The following CYP2C8 variants were observed in gnomAD, a reference collection of about 807,000 sequenced individuals.
CYP2C8 encodes the protein cytochrome P450 2C8.
A neutral mutation model predicts 41.3 loss-of-function variants in CYP2C8; 51 were observed. The observed-to-expected ratio is 1.24, with a 90% confidence interval of 0.99 to 1.56. The LOEUF (loss-of-function observed/expected upper bound fraction) is 1.56, where lower values mean the gene tolerates loss of function less well. CYP2C8 is among the 40% of genes most tolerant of loss of function. CYP2C8 has a pLI of 0.00. For synonymous variants in CYP2C8, 218 were observed against 205.8 expected, an observed-to-expected ratio of 1.06 and a Z score of -0.51; for missense variants, 651 against 579.9, an observed-to-expected ratio of 1.12 and a Z score of -1.26.
At position 95,045,849 on chromosome 10, in the gene CYP2C8, A is replaced by G. The variant is rs1290736076; in HGVS notation, c.922T>C (p.Tyr308His). ...TGCTTCAGCAGGAGCAGGAGTCCAT[A>G]TCTCAGAGTGGTGCTTGTTGTCTCT... ...GTETTSTTLR[Y>H]GLLLLLKHPE... The change falls in exon 6 of 9, where the codon TAT (tyrosine) becomes CAT (histidine). Residue 308 changes from tyrosine (Y) to histidine (H), a missense_variant. By Grantham distance (83) the Tyr-to-His change is moderately conservative (BLOSUM62 2). Transcript: ENST00000371270. 6.2e-7 allele frequency: 1 copy of G among 1,614,052 alleles called. No homozygotes were observed. The highest frequency in any genetic ancestry group is 1.3e-5 in the African/African-American group (1 of 75,044).
chr10:95,041,624 A>G lies in CYP2C8; in HGVS notation c.1149+1266T>C, dbSNP rs574323727. On this transcript the variant is annotated intron_variant, in intron 7 of 8. Transcript: ENST00000371270. ...GTGAAACCCCGTCTCTACTAAAAATACAAAAAATTAGCCGGGCGCGGTGGC... is the reference window on the plus strand; with the variant it reads ...GTGAAACCCCGTCTCTACTAAAAATGCAAAAAATTAGCCGGGCGCGGTGGC... Among the ~76,000 whole-genome samples, 249 of 148,162 alleles carry G rather than the reference A, an allele frequency of 1.7e-3. 3 individuals carry two copies. The South Asian group carries it at 0.052, about 31-fold the overall frequency.
At position 95,037,190 on chromosome 10, in the gene CYP2C8, C is replaced by T; in HGVS notation, c.1411G>A (p.Ala471Thr). The T allele has an allele frequency of 2.5e-6, 4 of 1,613,890 alleles. No individual in the cohort carries two copies. Among genetic ancestry groups the T allele is most frequent in the Middle Eastern group, 3.3e-4 (2 of 6,062 alleles). ...VDDLKNLNTT[A>T]VTKGIVSLPP... The stretch of plus-strand genomic sequence containing the variant: ...AGAGAAACAATCCCTTTGGTAACTG[C>T]AGTAGTATTGAGGTTCTTTAAATCA... Residue 471 changes from alanine to threonine, a missense_variant, in exon 9 of 9, where the codon GCA becomes ACA. Physicochemically the swap from Ala to Thr is moderately conservative, Grantham distance 58. Coordinates refer to ENST00000371270, the MANE Select transcript of CYP2C8 (RefSeq NM_000770.3).
chr10:95,053,211 A>G (rs2033244993), intron 5 of CYP2C8, among the ~76,000 whole-genome samples: 1 of 152,234 alleles, frequency 6.6e-6, no homozygotes, highest in African/African-American at 2.4e-5. Flanking sequence ...AAAATTAACA[A>G]TGAGATACCA....
chr10:95,068,739 C>A, intron 1 of CYP2C8: 1 of 626,568 alleles, frequency 1.6e-6, no homozygotes, highest in South Asian at 1.5e-5. Context: ...TCAACTCACT[C>A]CGCTATTTCT....
chr10:95,039,984 T>C (rs1353665999), intron 7 of CYP2C8, among the ~76,000 whole-genome samples: 1 of 152,094 alleles, frequency 6.6e-6, no homozygotes, highest in Non-Finnish European at 1.5e-5. Flanking sequence ...AAAGGTCAAC[T>C]GATTGAAAAG....
At position 95,036,939 on chromosome 10, in the gene CYP2C8, T is replaced by C. The variant is rs2032893008; in HGVS notation, c.*189A>G. 1.5e-6 allele frequency: 1 copy of C among 652,552 alleles called. No homozygotes were observed. The highest frequency in any genetic ancestry group is 2.8e-6 in the Non-Finnish European group (1 of 358,100). 40.4% of individuals were successfully genotyped at this position (652,552 alleles called of 1,614,324 possible). A position where few individuals can be genotyped will look rare whatever the true frequency, so the allele number is the denominator to read the frequency against. ...CAATTAATACAAGTGTTACAGAGTA[T>C]GAATAATTGCAGATATATTTGTGCA... On this transcript the variant is annotated 3_prime_UTR_variant, in exon 9 of 9. Transcript: ENST00000371270.
intron 4 of CYP2C8, among the ~76,000 whole-genome samples, chr10:95,059,671 G>T (rs1410402206): frequency 1.3e-5 from 2 of 152,042 alleles, no homozygotes; most frequent in African/African-American, 2.4e-5. Context: ...GTCAATTTTG[G>T]CTTTTGTTGC....
intron 6 of CYP2C8, among the ~76,000 whole-genome samples, chr10:95,044,764 A>C (rs1301898026): frequency 6.6e-6 from 1 of 152,098 alleles, no homozygotes; most frequent in Non-Finnish European, 1.5e-5. Context: ...GTTATGGAGG[A>C]AACTTGGGCA....
At position 95,067,604 on chromosome 10, in the gene CYP2C8, C is replaced by T. The variant is rs1369026893; in HGVS notation, c.256G>A (p.Ala86Thr). The T allele has an allele frequency of 4.5e-5, 73 of 1,614,158 alleles. No homozygotes were observed. Among genetic ancestry groups the T allele is most frequent in the Non-Finnish European group, 6.0e-5 (71 of 1,179,992 alleles). The change falls in exon 2 of 9, where the codon GCC becomes ACC. Residue 86 changes from alanine to threonine, a missense_variant. Coordinates refer to ENST00000371270, the MANE Select transcript of CYP2C8 (RefSeq NM_000770.3). The stretch of plus-strand genomic sequence containing the variant: ...AACTCCTCTCCATTATCAATCAGGG[C>T]TTCCTTCACTGCCTCATATCCATGA... Reference protein sequence around the residue: ...VFHGYEAVKEALIDNGEEFSG... With the variant: ...VFHGYEAVKETLIDNGEEFSG...
chr10:95,062,318 G>A (rs1255117407), intron 4 of CYP2C8, among the ~76,000 whole-genome samples: 9 of 152,152 alleles, frequency 5.9e-5, no homozygotes, highest in Non-Finnish European at 1.3e-4. Flanking sequence ...ATGAGTCTGG[G>A]TGCTCCTGTA....
At chr10:95,056,578 C>A (rs1316749031) in intron 5 of CYP2C8, among the ~76,000 whole-genome samples, 1 of 152,116 alleles carries the variant, frequency 6.6e-6, no homozygotes, top group African/African-American at 2.4e-5. Flanking sequence ...CACAAAACAA[C>A]AAAGTACTAT....
intron 4 of CYP2C8, among the ~76,000 whole-genome samples, chr10:95,062,767 T>C (rs1429921845): frequency 6.6e-6 from 1 of 152,206 alleles, no homozygotes; most frequent in Non-Finnish European, 1.5e-5. Context: ...GTTTTTGCAG[T>C]GGCTGGTACC....
At chr10:95,041,787 CAAAAAAAAAA>C (rs60326519) in intron 7 of CYP2C8, among the ~76,000 whole-genome samples, 1 of 83,172 alleles carries the variant, frequency 1.2e-5, no homozygotes, top group Admixed American at 1.4e-4. Flanking sequence ...GACTCCGTCT[CAAAAAAAAAA>C]AAAAAAAAAA....
At chr10:95,051,350 C>T (rs1259226154) in intron 5 of CYP2C8, among the ~76,000 whole-genome samples, 3 of 151,982 alleles carry the variant, frequency 2.0e-5, no homozygotes, top group Admixed American at 2.0e-4. Flanking sequence ...TGAAGCACAC[C>T]TACAGGATCT....
intron 4 of CYP2C8, among the ~76,000 whole-genome samples, chr10:95,062,415 A>T (rs981958665): frequency 4.0e-5 from 6 of 151,768 alleles, no homozygotes; most frequent in Non-Finnish European, 7.4e-5. Context: ...TGTCTCTTTT[A>T]ATCTTTGTTG....
At chr10:95,046,238 G>A (rs2033107351) in intron 5 of CYP2C8, among the ~76,000 whole-genome samples, 1 of 152,132 alleles carries the variant, frequency 6.6e-6, no homozygotes, top group South Asian at 2.1e-4. Flanking sequence ...CTGATGCCCT[G>A]TCTTACTTCA....
intron 4 of CYP2C8, among the ~76,000 whole-genome samples, chr10:95,059,406 A>AT (rs1479233478): frequency 6.9e-6 from 1 of 144,190 alleles, no homozygotes. Flanking sequence ...GATGATGAGC[A>AT]TTTTTTCATG....
Position 95,045,857 on chromosome 10 carries a change from GTGGTGC to G in CYP2C8, c.908_913del (p.Ser303_Thr304del). The G allele has an allele frequency of 6.2e-7, 1 of 1,614,066 alleles. No individual in the cohort carries two copies. ...CAGGAGCAGGAGTCCATATCTCAGA[GTGGTGC>G]TTGTTGTCTCTGTTCCAGCAACAAA... On this transcript the variant is annotated inframe_deletion, in exon 6 of 9. Coordinates refer to ENST00000371270, the MANE Select transcript of CYP2C8 (RefSeq NM_000770.3).
chr10:95,060,693 G>C (rs1275263018), intron 4 of CYP2C8, among the ~76,000 whole-genome samples: 2 of 152,134 alleles, frequency 1.3e-5, no homozygotes, highest in Admixed American at 6.6e-5. Context: ...GAATAGGAGT[G>C]GTGAGAGAGG....
Sources: allele counts gnomAD v4.1 joint callset (sites outside exome capture counted in the v4.1 genomes callset), GRCh38; gene constraint gnomAD v4.1.1; transcripts MANE v1.5; gene names NCBI Gene and HGNC (gene_info 2026-07-23, HGNC 2026-07-21).